Variants in LYST observed in about 807,000 individuals in gnomAD.
The protein encoded by LYST is lysosomal-trafficking regulator.
Under a neutral mutation model 413.6 loss-of-function variants are expected in LYST, and 192 were observed. The ratio of observed to expected loss-of-function variants is 0.46; its 90% CI spans 0.41 to 0.52. The LOEUF is 0.52. Among genes scored for constraint, LYST ranks in the 20% least tolerant of loss-of-function variants. The pLI is 0.00. For missense variants in LYST, 3,815 were observed against 4,499.9 expected (o/e 0.85, Z 4.35); for synonymous variants, 1,525 against 1,567.3 (o/e 0.97, Z 0.64).
chr1:235,812,995 G>C lies in LYST; in HGVS notation c.259C>G (p.Pro87Ala). ...CCTGTTGCCTTTTCTTCTTGGACAG[G>C]TATCTTCCATACCAGTGGAAGGAGA... ...LSLLPLVWKI[P>A]VQEEKATDFN... is the part of the protein sequence containing the mutation. Residue 87 changes from proline (P) to alanine (A), a missense_variant, in exon 4 of 53, where the codon CCT becomes GCT. Physicochemically the swap from Pro to Ala is conservative, Grantham distance 27. Coordinates refer to ENST00000389793, the MANE Select transcript of LYST (RefSeq NM_000081.4). The C allele has an allele frequency of 1.2e-6, 2 of 1,611,038 alleles. No individual in the cohort carries two copies. Among genetic ancestry groups the C allele is most frequent in the Non-Finnish European group, 1.7e-6 (2 of 1,177,464 alleles).
rs184814617 is a variant in LYST at position 235,700,612 on chromosome 1, T to C, written c.10374+2135A>G. Among the ~76,000 whole-genome samples the C allele has an allele frequency of 6.2e-3, 941 of 152,320 alleles. 6 individuals carry two copies. Among genetic ancestry groups the C allele is most frequent in the Admixed American group, 0.015 (222 of 15,304 alleles). On this transcript the variant is annotated intron_variant, in intron 45 of 52. Transcript: ENST00000389793. Reference sequence around the variant, plus strand: ...TCAAGGCTTGTGTTTGCATTTTGTGTAGATGTCAAGTGAAGGCCCACAGAG... The same window carrying C: ...TCAAGGCTTGTGTTTGCATTTTGTGCAGATGTCAAGTGAAGGCCCACAGAG...
At chr1:235,683,624 G>A (rs1659997675) in intron 48 of LYST, among the ~76,000 whole-genome samples, 1 of 152,210 alleles carries the variant, frequency 6.6e-6, no homozygotes. Flanking sequence ...CATTTCCTAA[G>A]ATCCCCTTGA....
intron 17 of LYST, among the ~76,000 whole-genome samples, chr1:235,776,188 C>T (rs1408390793): frequency 6.6e-6 from 1 of 151,826 alleles, no homozygotes; most frequent in Non-Finnish European, 1.5e-5. Flanking sequence ...TTTAACTAGA[C>T]ACTAGATTAA....
At position 235,874,796 on chromosome 1, in the gene LYST, G is replaced by C. The variant is rs1333516179; in HGVS notation, n.454+8391C>G. Among the ~76,000 whole-genome samples the C allele has an allele frequency of 2.0e-5, 3 of 152,140 alleles. No individual in the cohort carries two copies. The East Asian group carries it at 5.8e-4, about 29-fold the overall frequency. On this transcript the variant is annotated intron_variant and non_coding_transcript_variant, in intron 1 of 11. Transcript: ENST00000465349. ...TGGAAATTTGATTGGTCCCTGAAAG[G>C]GTTTGTTGTTTTGTTGGTGTTGTTG...
chr1:235,849,653 A>G (rs1401698698), intron 1 of LYST, among the ~76,000 whole-genome samples: 2 of 152,060 alleles, frequency 1.3e-5, no homozygotes, highest in African/African-American at 4.8e-5. Flanking sequence ...GGAACTGATA[A>G]AAGAATTCAA....
chr1:235,741,771 A>G (rs1665422562), intron 30 of LYST, 143 bp from the exon 31 acceptor site: 1 of 692,984 alleles, frequency 1.4e-6, no homozygotes, highest in South Asian at 1.6e-5. Context: ...AGAGATATAC[A>G]TATCCATACA....
intron 13 of LYST, 87 bp from the exon 14 acceptor site, chr1:235,787,460 A>G: frequency 9.3e-7 from 1 of 1,078,122 alleles, no homozygotes; most frequent in East Asian, 2.4e-5. Flanking sequence ...ATAATTCTAA[A>G]TAAGTAAGAT....
rs1671064864 is a variant in LYST at position 235,792,089 on chromosome 1, T to C, written c.4153A>G (p.Ser1385Gly). Residue 1385 changes from serine (S) to glycine (G), a missense_variant, in exon 12 of 53, where the codon AGT becomes GGT. Ser to Gly is a moderately conservative substitution (Grantham distance 56). Around this residue, in one of 4 missense-constraint regions of LYST, gnomAD observed 1,648 missense variants for 1,810.3 expected, o/e 0.91. Coordinates refer to ENST00000389793, the MANE Select transcript of LYST (RefSeq NM_000081.4). ...TGTGAAGGGCTCATAGTAGTATCAC[T>C]TTCAATAATTTTCAGAATACCCAGA... ...LLLGILKIIE[S>G]DTTMSPSQYL... The C allele has an allele frequency of 1.2e-6, 2 of 1,612,548 alleles. No homozygotes were observed. Among genetic ancestry groups the C allele is most frequent in the Non-Finnish European group, 1.7e-6 (2 of 1,178,902 alleles).
intron 2 of LYST, among the ~76,000 whole-genome samples, chr1:235,831,173 G>C (rs568638791): frequency 1.9e-4 from 29 of 152,226 alleles, no homozygotes; most frequent in African/African-American, 6.5e-4. Flanking sequence ...ATTTAACATA[G>C]AGATGTTAAG....
At chr1:235,719,940 G>A (rs1435179355) in intron 40 of LYST, among the ~76,000 whole-genome samples, 1 of 152,056 alleles carries the variant, frequency 6.6e-6, no homozygotes, top group Non-Finnish European at 1.5e-5. Flanking sequence ...CACTTTGGGA[G>A]GCCAAGGTGG....
chr1:235,755,637 G>C lies in LYST; in HGVS notation c.7070C>G (p.Ala2357Gly), dbSNP rs199576020. The change falls in exon 25 of 53, where the codon GCA becomes GGA. Residue 2357 changes from alanine to glycine, a missense_variant. Physicochemically the swap from Ala to Gly is moderately conservative, Grantham distance 60. This residue lies in a region of LYST where 771 missense variants were observed against 837.1 expected (regional missense o/e 0.92). Coordinates refer to ENST00000389793, the MANE Select transcript of LYST (RefSeq NM_000081.4). Reference protein sequence around the residue: ...IQQGVIKLLDAYFARASKEQK... With the variant: ...IQQGVIKLLDGYFARASKEQK... ...TTCCTTAGATGCTCTAGCAAAATAT[G>C]CATCTAATAGCTAAACAAAAAATTT... 9 of 1,598,578 alleles carry C rather than the reference G, an allele frequency of 5.6e-6. No individual in the cohort carries two copies. In the Admixed American group the frequency reaches 1.3e-4, roughly 24 times the overall value.
chr1:235,850,865 T>C lies in LYST; in HGVS notation c.-98+15978A>G, dbSNP rs540971129. On this transcript the variant is annotated intron_variant, in intron 1 of 52. Coordinates refer to ENST00000389793, the MANE Select transcript of LYST (RefSeq NM_000081.4). The stretch of plus-strand genomic sequence containing the variant: ...TGCAAGAATGGCCATAATCAAAAAA[T>C]CAAAAAACAGTAGATGTTGGCATGG... 5.9e-5 allele frequency among the ~76,000 whole-genome samples: 9 copies of C among 152,080 alleles called. No homozygotes were observed. In the East Asian group the frequency reaches 1.5e-3, roughly 26 times the overall value.
chr1:235,788,749 A>G lies in LYST; in HGVS notation c.4640T>C (p.Leu1547Ser). Residue 1547 changes from leucine (L) to serine (S), a missense_variant, in exon 13 of 53, where the codon TTG (leucine) becomes TCG (serine). This residue lies in a region of LYST where 1,648 missense variants were observed against 1,810.3 expected (regional missense o/e 0.91). Transcript: ENST00000389793. Reference sequence around the variant, plus strand: ...GGGATCAGCCCACACTTGGATCATCAACGCTTTGGATCCCAGTGAAATTAT... The same window carrying G: ...GGGATCAGCCCACACTTGGATCATCGACGCTTTGGATCCCAGTGAAATTAT... ...IHIISLGSKA[L>S]MIQVWADPHN... 1 of 1,613,848 alleles carries G rather than the reference A, an allele frequency of 6.2e-7. No individual in the cohort carries two copies. The highest frequency in any genetic ancestry group is 8.5e-7 in the Non-Finnish European group (1 of 1,179,860).
intron 1 of LYST, among the ~76,000 whole-genome samples, chr1:235,877,495 C>A (rs1681189443): frequency 6.6e-6 from 1 of 152,126 alleles, no homozygotes; most frequent in South Asian, 2.1e-4. Context: ...CAACCTCTGC[C>A]TCCCGGGTTC....
intron 14 of LYST, among the ~76,000 whole-genome samples, chr1:235,782,859 G>T (rs1162084979): frequency 6.6e-6 from 1 of 152,108 alleles, no homozygotes; most frequent in African/African-American, 2.4e-5. Context: ...TTTCTGTCTA[G>T]CCATTGAAAT....
rs1270242025 is a variant in LYST, at chr1:235,728,084, C to G, written c.9154G>C (p.Glu3052Gln). ...CTTAAGCCTCTACTCACCGAACTTT[C>G]AACTGTATCAGAAGCATTATCTTCC... is the stretch of plus-strand genomic sequence containing the variant. Reference protein sequence around the residue: ...FVEDNASDTVESSSLQGELEP... With the variant: ...FVEDNASDTVQSSSLQGELEP... Residue 3052 changes from glutamate to glutamine, a missense_variant, in exon 38 of 53, where the codon GAA becomes CAA. Physicochemically the swap from Glu to Gln is conservative, Grantham distance 29. Around this residue, in one of 4 missense-constraint regions of LYST, gnomAD observed 866 missense variants for 1,156.0 expected, o/e 0.75. Transcript: ENST00000389793. The G allele has an allele frequency of 3.1e-6, 5 of 1,611,906 alleles. No individual in the cohort carries two copies. Among genetic ancestry groups the G allele is most frequent in the Non-Finnish European group, 4.2e-6 (5 of 1,178,146 alleles).
At chr1:235,883,478 G>A (rs1681464348) in exon 1 of LYST, 1 of 152,662 alleles carries the variant, frequency 6.6e-6, no homozygotes, top group South Asian at 2.1e-4. Flanking sequence ...GGAACAGATG[G>A]TGAAGGCAAA....
intron 20 of LYST, among the ~76,000 whole-genome samples, chr1:235,766,661 G>T (rs1668178928): frequency 6.6e-6 from 1 of 152,072 alleles, no homozygotes; most frequent in African/African-American, 2.4e-5. Context: ...CTTTGTCTAT[G>T]TGAGTAATAC....
chr1:235,750,083 G>A (rs1666335662), intron 28 of LYST, among the ~76,000 whole-genome samples: 1 of 152,102 alleles, frequency 6.6e-6, no homozygotes, highest in South Asian at 2.1e-4. Flanking sequence ...AGCAGTCACT[G>A]ACTACATAAG....
Sources: allele counts gnomAD v4.1 joint callset (sites outside exome capture counted in the v4.1 genomes callset), GRCh38; gene constraint gnomAD v4.1.1; regional missense constraint gnomAD v4.1.1; transcripts MANE v1.5; gene names NCBI Gene and HGNC (gene_info 2026-07-23, HGNC 2026-07-21).